CBFA2T3: variants seen among roughly 807,000 people sequenced by gnomAD.
CBFA2T3 encodes the protein CBFA2/RUNX1 partner transcriptional co-repressor 3, also known as transcriptional corepressor CBFA2T3.
CBFA2T3 carries 31 observed loss-of-function variants against 58.6 expected under a neutral mutation model. The observed-to-expected ratio is 0.53, with a 90% CI of 0.40 to 0.71. The LOEUF is 0.71. CBFA2T3 is among the 30% of genes least tolerant of loss of function. The pLI is 0.00. For missense variants in CBFA2T3, 1,076 were observed against 963.1 expected, an observed-to-expected ratio of 1.12 and a Z score of -1.55; for synonymous variants, 531 against 421.9, an observed-to-expected ratio of 1.26 and a Z score of -3.17.
At chr16:88,897,998 A>C in intron 3 of CBFA2T3, 80 bp downstream of exon 3, 1 of 1,033,152 alleles carries the variant, frequency 9.7e-7, no homozygotes, top group Non-Finnish European at 1.5e-6. Context: ...GAGCGCCCCC[A>C]GGGCAGCAGT....
At chr16:88,898,794 G>A (rs553368117) in intron 2 of CBFA2T3, among the ~76,000 whole-genome samples, 17 of 152,286 alleles carry the variant, frequency 1.1e-4, no homozygotes, top group African/African-American at 3.8e-4. Context: ...AGGCTGAGGC[G>A]GGAGGATTGC....
At position 88,876,577 on chromosome 16, in the gene CBFA2T3, G is replaced by A. The variant is rs902322491; in HGVS notation, c.*399C>T. 3.9e-5 allele frequency: 10 copies of A among 259,554 alleles called. No individual in the cohort carries two copies. Among genetic ancestry groups the A allele is most frequent in the Non-Finnish European group, 5.1e-5 (7 of 137,752 alleles). The allele number at this position is 259,554 out of a possible 1,614,324, so 16.1% of individuals were successfully genotyped here. On this transcript the variant is annotated 3_prime_UTR_variant, in exon 12 of 12. Transcript: ENST00000268679. ...GATTTTTTCATTGAAGAGAAAGTGT[G>A]TGATAGTCATAGAGAGAGAGAGGAT... is the stretch of plus-strand genomic sequence containing the variant.
intron 1 of CBFA2T3, among the ~76,000 whole-genome samples, chr16:88,924,389 G>A (rs1971018780): frequency 6.6e-6 from 1 of 152,160 alleles, no homozygotes; most frequent in East Asian, 1.9e-4. Flanking sequence ...GCTAGACTCT[G>A]CTGAGACAAA....
intron 3 of CBFA2T3, among the ~76,000 whole-genome samples, chr16:88,893,691 CTGGCTGGCCCTGCTAT>C (rs1336219495): frequency 6.6e-6 from 1 of 152,240 alleles, no homozygotes; most frequent in Non-Finnish European, 1.5e-5. Context: ...ACGTGACTGC[CTGGCTGGCCCTGCTAT>C]TGGGGTCAGT....
intron 1 of CBFA2T3, among the ~76,000 whole-genome samples, chr16:88,914,202 G>C (rs1011929628): frequency 1.3e-5 from 2 of 152,230 alleles, no homozygotes; most frequent in Non-Finnish European, 2.9e-5. Context: ...GCGAGAGTCC[G>C]TTTCTAGAAA....
At chr16:88,973,560 C>A (rs549770014) in intron 1 of CBFA2T3, among the ~76,000 whole-genome samples, 7 of 152,298 alleles carry the variant, frequency 4.6e-5, no homozygotes, top group African/African-American at 1.4e-4. Flanking sequence ...CATTCCAGAC[C>A]CAGAACCTTC....
chr16:88,917,945 G>A (rs1234465897), intron 1 of CBFA2T3, among the ~76,000 whole-genome samples: 6 of 152,164 alleles, frequency 3.9e-5, no homozygotes, highest in Admixed American at 3.3e-4. Context: ...CCCAGGAGAC[G>A]GTGCAGGCGA....
intron 1 of CBFA2T3, among the ~76,000 whole-genome samples, chr16:88,903,975 T>C (rs1223335357): frequency 6.6e-6 from 1 of 152,168 alleles, no homozygotes; most frequent in Non-Finnish European, 1.5e-5. Context: ...GGACGGGCGC[T>C]CGTAGGATGG....
intron 5 of CBFA2T3, chr16:88,887,243 T>C (rs1402001626): frequency 6.6e-6 from 1 of 152,274 alleles, no homozygotes; most frequent in Non-Finnish European, 1.5e-5. Context: ...CGGCCTGTTT[T>C]TCTCTTTGGA....
At chr16:88,898,407 A>G (rs1969971900) in intron 2 of CBFA2T3, among the ~76,000 whole-genome samples, 1 of 151,738 alleles carries the variant, frequency 6.6e-6, no homozygotes, top group South Asian at 2.1e-4. Context: ...TCTCAGAGTG[A>G]TTTTCTGACG....
chr16:88,965,365 A>G (rs994332926), intron 1 of CBFA2T3, among the ~76,000 whole-genome samples: 10 of 152,238 alleles, frequency 6.6e-5, no homozygotes, highest in African/African-American at 2.4e-4. Context: ...CATATTAGGT[A>G]TGCTAGAAAA....
In CBFA2T3 at chr16:88,976,639, T is replaced by G. The variant is rs758194645; in HGVS notation, c.151+18A>C. The stretch of plus-strand genomic sequence containing the variant: ...GCTCTCTGCCCCCACCCCACCACCT[T>G]CCCCTCGAGCCTCTTACCTGGGCCG... On this transcript the variant is annotated intron_variant, in intron 1 of 11. Coordinates refer to ENST00000268679, the MANE Select transcript of CBFA2T3 (RefSeq NM_005187.6). 7 of 1,539,456 alleles carry G rather than the reference T, an allele frequency of 4.5e-6. No individual in the cohort carries two copies. The highest frequency in any genetic ancestry group is 3.5e-6 in the Non-Finnish European group (4 of 1,137,448).
chr16:88,892,030 C>T (rs1390190316), intron 4 of CBFA2T3, 59 bp from the exon 5 acceptor site: 3 of 1,461,246 alleles, frequency 2.1e-6, no homozygotes, highest in African/African-American at 1.4e-5. Flanking sequence ...CCAGCGCCGA[C>T]CCACCCATGC....
intron 1 of CBFA2T3, among the ~76,000 whole-genome samples, chr16:88,956,373 C>T (rs368614499): frequency 4.2e-4 from 64 of 152,258 alleles, no homozygotes; most frequent in African/African-American, 1.3e-3. Flanking sequence ...ACAGCGTGTC[C>T]GCCTGCTCTT....
At chr16:88,975,081 G>T (rs1006633735) in intron 1 of CBFA2T3, among the ~76,000 whole-genome samples, 1 of 85,142 alleles carries the variant, frequency 1.2e-5, no homozygotes, top group East Asian at 4.7e-4. Context: ...CCCTGGGGGT[G>T]GGCACAGTGG....
intron 1 of CBFA2T3, among the ~76,000 whole-genome samples, chr16:88,961,967 G>C (rs1359818572): frequency 7.4e-3 from 614 of 83,274 alleles, no homozygotes; most frequent in East Asian, 0.023. Context: ...CATTCCCACT[G>C]CATAGTAACC....
intron 1 of CBFA2T3, among the ~76,000 whole-genome samples, chr16:88,928,565 C>A (rs1020598445): frequency 6.6e-6 from 1 of 152,220 alleles, no homozygotes; most frequent in African/African-American, 2.4e-5. Flanking sequence ...CCAGTGAGGG[C>A]GTCCCTGAAG....
chr16:88,972,444 C>T (rs1324749644), intron 1 of CBFA2T3, among the ~76,000 whole-genome samples: 1 of 152,194 alleles, frequency 6.6e-6, no homozygotes, highest in Non-Finnish European at 1.5e-5. Context: ...CACCCTCTGG[C>T]CCCAGAGCTC....
chr16:88,964,053 C>T (rs1353433876), intron 1 of CBFA2T3, among the ~76,000 whole-genome samples: 3 of 152,234 alleles, frequency 2.0e-5, no homozygotes, highest in African/African-American at 7.2e-5. Flanking sequence ...TGGCACAGCT[C>T]TATGGGGGTC....
Sources: gnomAD v4.1 joint callset for allele counts (sites outside exome capture counted in the v4.1 genomes callset) on GRCh38, gnomAD v4.1.1 for gene constraint, MANE v1.5 for transcripts, NCBI Gene and HGNC (gene_info 2026-07-23, HGNC 2026-07-21) for gene names.